PDE11A: variants seen among roughly 807,000 people sequenced by gnomAD.
The protein encoded by PDE11A is dual 3',5'-cyclic-AMP and -GMP phosphodiesterase 11A.
A neutral mutation model predicts 100.5 loss-of-function variants in PDE11A; 100 were observed. The observed-to-expected ratio is 1.00, with a 90% CI of 0.85 to 1.18. The LOEUF is 1.18. Among genes scored for constraint, PDE11A ranks in the 50% most tolerant of loss-of-function variants. The pLI is 0.00. For missense variants in PDE11A, 1,141 were observed against 1,152.6 expected, an observed-to-expected ratio of 0.99 and a Z score of 0.15; for synonymous variants, 381 against 420.8, an observed-to-expected ratio of 0.91 and a Z score of 1.16.
intron 15 of PDE11A, among the ~76,000 whole-genome samples, chr2:177,693,505 C>A (rs1055700728): frequency 6.6e-6 from 1 of 152,300 alleles, no homozygotes; most frequent in Non-Finnish European, 1.5e-5. Flanking sequence ...ACTGTCCCAG[C>A]CCCTCACTCT....
At chr2:178,010,343 G>A (rs1272274823) in intron 2 of PDE11A, among the ~76,000 whole-genome samples, 2 of 152,178 alleles carry the variant, frequency 1.3e-5, no homozygotes, top group Non-Finnish European at 2.9e-5. Context: ...GCTATTGAAC[G>A]TGGGACAAGG....
Position 177,631,301 on chromosome 2 carries a change from A to C in PDE11A, c.2647-1739T>G, listed in dbSNP as rs199828905. Among the ~76,000 whole-genome samples, 299 of 43,994 alleles carry C rather than the reference A, an allele frequency of 6.8e-3. 1 individual carries two copies. Among genetic ancestry groups the C allele is most frequent in the Non-Finnish European group, 0.013 (256 of 19,516 alleles). The allele number at this position is 43,994 out of a possible 152,430, so 28.9% of individuals were successfully genotyped here. A position where few individuals can be genotyped will look rare whatever the true frequency, so the allele number is the denominator to read the frequency against. ...TCTCTACTAAAAATGCAAAAAAAAA[A>C]AAAAAAAAACAAAAAAAAAAACAAC... On this transcript the variant is annotated intron_variant, in intron 19 of 19. Transcript: ENST00000286063.
At chr2:178,012,495 T>C (rs2086284583) in intron 2 of PDE11A, among the ~76,000 whole-genome samples, 1 of 152,182 alleles carries the variant, frequency 6.6e-6, no homozygotes, top group Admixed American at 6.6e-5. Flanking sequence ...ATGAGAAAAC[T>C]TCAGGTCAGA....
chr2:178,048,202 A>T (rs1017527486), intron 1 of PDE11A, among the ~76,000 whole-genome samples: 1 of 152,164 alleles, frequency 6.6e-6, no homozygotes. Context: ...TTATGGAGTG[A>T]ATCAGAAGAA....
At chr2:178,016,360 G>T (rs971223955) in intron 1 of PDE11A, among the ~76,000 whole-genome samples, 2 of 151,910 alleles carry the variant, frequency 1.3e-5, no homozygotes, top group African/African-American at 4.8e-5. Flanking sequence ...CCAGAGAGAG[G>T]AGAGTCCAAT....
intron 5 of PDE11A, among the ~76,000 whole-genome samples, chr2:177,851,964 T>A (rs2083718900): frequency 6.6e-6 from 1 of 152,094 alleles, no homozygotes; most frequent in Admixed American, 6.6e-5. Flanking sequence ...TGTGTTCTCA[T>A]CATTTAGCTC....
intron 9 of PDE11A, among the ~76,000 whole-genome samples, chr2:177,806,837 G>T (rs1218826285): frequency 1.3e-5 from 2 of 151,912 alleles, no homozygotes; most frequent in African/African-American, 4.8e-5. Flanking sequence ...AATAACAGTT[G>T]GTAAGTTTCT....
intron 2 of PDE11A, among the ~76,000 whole-genome samples, chr2:177,936,137 A>G (rs1047872532): frequency 2.0e-5 from 3 of 152,226 alleles, no homozygotes; most frequent in Admixed American, 6.5e-5. Context: ...GTTGACAGAG[A>G]GGAAAAAGGA....
At chr2:177,964,153 GT>G (rs11284596) in intron 2 of PDE11A, among the ~76,000 whole-genome samples, 137,706 of 149,732 alleles carry the variant, frequency 0.92, 63,307 homozygotes, top group East Asian at 0.99. Flanking sequence ...TGTTTGTTTG[GT>G]TTTTTTTTTT....
At chr2:177,675,677 T>C in intron 16 of PDE11A, 159 bp from the exon 17 acceptor site, 1 of 712,448 alleles carries the variant, frequency 1.4e-6, no homozygotes, top group Non-Finnish European at 2.6e-6. Flanking sequence ...AGTCCCTGTG[T>C]TCAGCATCTC....
At chr2:177,645,272 A>C (rs931177038) in intron 19 of PDE11A, among the ~76,000 whole-genome samples, 1 of 152,078 alleles carries the variant, frequency 6.6e-6, no homozygotes, top group Non-Finnish European at 1.5e-5. Flanking sequence ...TGCAACCTCC[A>C]CCTCCTGGGT....
At chr2:177,780,226 A>G (rs953900825) in intron 9 of PDE11A, among the ~76,000 whole-genome samples, 4 of 152,114 alleles carry the variant, frequency 2.6e-5, no homozygotes, top group African/African-American at 9.7e-5. Flanking sequence ...TATAGTGTAC[A>G]AGCAGAGTAG....
At chr2:177,901,952 A>T (rs1207484981) in intron 3 of PDE11A, among the ~76,000 whole-genome samples, 1 of 152,166 alleles carries the variant, frequency 6.6e-6, no homozygotes, top group Admixed American at 6.5e-5. Context: ...CAGTAATTTT[A>T]TTGTTTCTAA....
rs6752264 is a variant in PDE11A at position 177,779,920 on chromosome 2, G to T, written c.1738-10547C>A. On this transcript the variant is annotated intron_variant, in intron 9 of 19. Coordinates refer to ENST00000286063, the MANE Select transcript of PDE11A (RefSeq NM_016953.4). ...CCAGATCCATTGTTGGAATCACTAT[G>T]TATGGCAGCTACAGCCTTACAAAAT... is the stretch of plus-strand genomic sequence containing the variant. Among the ~76,000 whole-genome samples, 158 of 152,128 alleles carry T rather than the reference G, an allele frequency of 1.0e-3. 1 individual carries two copies. Among genetic ancestry groups the T allele is most frequent in the African/African-American group, 3.4e-3 (140 of 41,500 alleles).
chr2:177,642,806 C>T (rs773340425), intron 19 of PDE11A, among the ~76,000 whole-genome samples: 3 of 152,132 alleles, frequency 2.0e-5, no homozygotes, highest in Admixed American at 1.3e-4. Flanking sequence ...AGGTTTTAGA[C>T]GTGACATGTC....
intron 19 of PDE11A, among the ~76,000 whole-genome samples, chr2:177,638,360 T>A (rs1330412405): frequency 1.3e-5 from 2 of 152,196 alleles, no homozygotes; most frequent in African/African-American, 2.4e-5. Context: ...ATTTGGGTCT[T>A]TTTAATATCT....
chr2:178,076,724 A>G (rs1424669372), upstream of PDE11A, among the ~76,000 whole-genome samples: 1 of 152,248 alleles, frequency 6.6e-6, no homozygotes, highest in Non-Finnish European at 1.5e-5. Context: ...TTAGTTACTT[A>G]AAACAACAAT....
At chr2:178,078,346 A>G (rs1424431471) in intron 2 of PDE11A, among the ~76,000 whole-genome samples, 1 of 152,138 alleles carries the variant, frequency 6.6e-6, no homozygotes, top group African/African-American at 2.4e-5. Context: ...GTGTTTACTC[A>G]ACCCAACACG....
chr2:178,063,064 A>C (rs775942590), intron 1 of PDE11A, among the ~76,000 whole-genome samples: 13 of 152,218 alleles, frequency 8.5e-5, no homozygotes, highest in Non-Finnish European at 1.8e-4. Context: ...ATATTTTGAC[A>C]ACAAAACTAC....
Sources: allele counts gnomAD v4.1 joint callset (sites outside exome capture counted in the v4.1 genomes callset), GRCh38; gene constraint gnomAD v4.1.1; transcripts MANE v1.5; gene names NCBI Gene and HGNC (gene_info 2026-07-23, HGNC 2026-07-21).